The following VCL variants were observed in gnomAD, a reference collection of about 807,000 sequenced individuals.
The protein encoded by VCL is vinculin.
In VCL, 47 loss-of-function variants were observed where a neutral mutation model predicts 125.7. The ratio of observed to expected loss-of-function variants is 0.37; its 90% CI spans 0.30 to 0.48. VCL has a LOEUF of 0.48. Among genes scored for constraint, VCL ranks in the 20% least tolerant of loss-of-function variants. The probability of loss-of-function intolerance (pLI) is 0.99; values close to 1 mark genes in which losing one functional copy is unlikely to be tolerated. For missense variants in VCL, 1,069 were observed against 1,455.5 expected, an observed-to-expected ratio of 0.73 and a Z score of 4.32; for synonymous variants, 458 against 514.6, an observed-to-expected ratio of 0.89 and a Z score of 1.49.
chr10:74,068,302 CT>C (rs1490512242), intron 2 of VCL, among the ~76,000 whole-genome samples: 5 of 152,046 alleles, frequency 3.3e-5, no homozygotes, highest in Non-Finnish European at 5.9e-5. Context: ...TCTTTATGTA[CT>C]TTTCTTTCTT....
rs747725640 is a variant in VCL, at chr10:74,082,552, T to C, written c.874+8T>C. 5 of 1,613,648 alleles carry C rather than the reference T, an allele frequency of 3.1e-6. No homozygotes were observed. The African/African-American group carries it at 6.7e-5, about 22-fold the overall frequency. ...ACCCTAGTGCCTCCCCAGGTAACCC[T>C]CTAGTTCTGCTTTTCTGATCAATAC... On this transcript the variant is annotated splice_region_variant and intron_variant, in intron 7 of 21. Coordinates refer to ENST00000211998, the MANE Select transcript of VCL (RefSeq NM_014000.3).
At chr10:74,100,719 G>A (rs1198213380) in intron 13 of VCL, among the ~76,000 whole-genome samples, 1 of 152,200 alleles carries the variant, frequency 6.6e-6, no homozygotes, top group African/African-American at 2.4e-5. Context: ...GTGCGTGTGT[G>A]TGTGAGTGTG....
intron 2 of VCL, among the ~76,000 whole-genome samples, chr10:74,049,638 T>C (rs772657574): frequency 9.9e-5 from 15 of 151,916 alleles, no homozygotes; most frequent in Non-Finnish European, 1.8e-4. Flanking sequence ...GAGGGGCACA[T>C]GGTGGGGGTG....
chr10:74,043,897 C>T (rs1358971013), intron 2 of VCL, among the ~76,000 whole-genome samples: 3 of 151,936 alleles, frequency 2.0e-5, no homozygotes, highest in Non-Finnish European at 4.4e-5. Flanking sequence ...CACCTCAGGT[C>T]AGGAGATCGA....
chr10:74,022,775 T>C (rs1471780499), intron 1 of VCL, among the ~76,000 whole-genome samples: 1 of 151,682 alleles, frequency 6.6e-6, no homozygotes, highest in Non-Finnish European at 1.5e-5. Flanking sequence ...TAGCTGGGAT[T>C]ACAGGTGCGT....
At chr10:74,042,099 A>G (rs1039458199) in intron 1 of VCL, among the ~76,000 whole-genome samples, 1 of 152,216 alleles carries the variant, frequency 6.6e-6, no homozygotes, top group Non-Finnish European at 1.5e-5. Flanking sequence ...TGCTTTATTT[A>G]TACATGTGGA....
At chr10:74,103,988 G>A in intron 15 of VCL, 60 bp downstream of exon 15, 2 of 1,538,460 alleles carry the variant, frequency 1.3e-6, no homozygotes, top group Admixed American at 1.7e-5. Context: ...CTGAGAAATT[G>A]GAGCGGGACT....
At chr10:74,038,456 T>C (rs1263742498) in intron 1 of VCL, among the ~76,000 whole-genome samples, 1 of 152,226 alleles carries the variant, frequency 6.6e-6, no homozygotes. Context: ...TCATTCTATA[T>C]AGTCATGTTT....
intron 2 of VCL, among the ~76,000 whole-genome samples, chr10:74,046,476 C>T (rs937943824): frequency 6.6e-6 from 1 of 152,196 alleles, no homozygotes; most frequent in Admixed American, 6.5e-5. Context: ...TTCCTGGGCT[C>T]AAGCAATCCT....
rs71524378 is a variant in VCL at position 74,073,021 on chromosome 10, A to ACCTCTGCCTCCTTGAACCTG, written c.622+181_622+182insTGAACCTGCCTCTGCCTCCT. ...AGTGGTGCGATCTCGGCTCACTGCAACCTCTGCCTCCTGGGTTCAAGCGAT... is the reference window on the plus strand; with the variant it reads ...AGTGGTGCGATCTCGGCTCACTGCAACCTCTGCCTCCTTGAACCTGCCTCTGCCTCCTGGGTTCAAGCGAT... On this transcript the variant is annotated intron_variant, in intron 5 of 21. Coordinates refer to ENST00000211998, the MANE Select transcript of VCL (RefSeq NM_014000.3). Among the ~76,000 whole-genome samples, 99 of 151,220 alleles carry ACCTCTGCCTCCTTGAACCTG rather than the reference A, an allele frequency of 6.5e-4. 1 individual carries two copies. The East Asian group carries it at 0.016, about 24-fold the overall frequency.
At chr10:74,099,970 C>T (rs112282783) in intron 13 of VCL, among the ~76,000 whole-genome samples, 18 of 152,270 alleles carry the variant, frequency 1.2e-4, no homozygotes, top group African/African-American at 4.3e-4. Flanking sequence ...TAGAGATTGT[C>T]TAGAGCCAGA....
chr10:74,091,933 G>A (rs762524868), intron 10 of VCL, among the ~76,000 whole-genome samples: 24 of 151,608 alleles, frequency 1.6e-4, no homozygotes, highest in Non-Finnish European at 2.6e-4. Flanking sequence ...TTTTTGAGAC[G>A]GAGTCTTGCT....
intron 1 of VCL, among the ~76,000 whole-genome samples, chr10:74,036,503 C>T (rs1319003847): frequency 1.3e-5 from 2 of 152,006 alleles, no homozygotes; most frequent in Non-Finnish European, 2.9e-5. Context: ...TGCCCAGCCA[C>T]TCTGTTTTTT....
chr10:74,051,968 T>TAGC (rs1304980349), intron 2 of VCL, among the ~76,000 whole-genome samples: 1 of 152,124 alleles, frequency 6.6e-6, no homozygotes, highest in African/African-American at 2.4e-5. Context: ...GTGCCCAGAG[T>TAGC]AGCAGCTCAG....
chr10:74,081,962 GGT>G (rs1272133157), intron 6 of VCL, among the ~76,000 whole-genome samples: 1 of 152,176 alleles, frequency 6.6e-6, no homozygotes, highest in Non-Finnish European at 1.5e-5. Flanking sequence ...AAGTTTTTCA[GGT>G]TAATTGAATA....
chr10:74,041,131 T>C (rs2136247435), intron 1 of VCL, among the ~76,000 whole-genome samples: 1 of 152,246 alleles, frequency 6.6e-6, no homozygotes, highest in East Asian at 1.9e-4. Flanking sequence ...ATGATAAGTG[T>C]GCACCACTGT....
chr10:74,019,935 C>T (rs936195778), intron 1 of VCL, among the ~76,000 whole-genome samples: 1 of 151,636 alleles, frequency 6.6e-6, no homozygotes, highest in Non-Finnish European at 1.5e-5. Flanking sequence ...TGGTGGCGGG[C>T]GCCTGTAATC....
At chr10:74,027,315 A>ATT (rs368271046) in intron 1 of VCL, among the ~76,000 whole-genome samples, 48,304 of 144,890 alleles carry the variant, frequency 0.33, 9,832 homozygotes, top group Non-Finnish European at 0.47. Context: ...ATATTTACCC[A>ATT]TTTTTTTTTT....
chr10:74,067,692 G>A (rs995107476), intron 2 of VCL, among the ~76,000 whole-genome samples: 4 of 152,154 alleles, frequency 2.6e-5, no homozygotes, highest in Non-Finnish European at 5.9e-5. Context: ...TATTGATACA[G>A]GCTACAACTT....
Sources: gnomAD v4.1 joint callset for allele counts (sites outside exome capture counted in the v4.1 genomes callset) on GRCh38, gnomAD v4.1.1 for gene constraint, MANE v1.5 for transcripts, NCBI Gene and HGNC (gene_info 2026-07-23, HGNC 2026-07-21) for gene names.